PPME1: variants seen among roughly 807,000 people sequenced by gnomAD.
PPME1 encodes the protein protein phosphatase methylesterase 1.
In PPME1, 17 loss-of-function variants were observed where a neutral mutation model predicts 56.9. That is an observed-to-expected ratio of 0.30 (90% CI 0.20 to 0.45). PPME1 has a LOEUF of 0.45. Among genes scored for constraint, PPME1 ranks in the 20% least tolerant of loss-of-function variants. The pLI is 1.00. For synonymous variants in PPME1, 122 were observed against 156.2 expected (o/e 0.78, Z 1.63); for missense variants, 357 against 483.2 (o/e 0.74, Z 2.45).
At chr11:74,180,440 C>T (rs2135593147) in intron 1 of PPME1, among the ~76,000 whole-genome samples, 1 of 152,280 alleles carries the variant, frequency 6.6e-6, no homozygotes, top group Non-Finnish European at 1.5e-5. Context: ...CGTTATTTCC[C>T]CATCAGTTCC....
At chr11:74,222,520 A>G (rs1858824289) in intron 4 of PPME1, among the ~76,000 whole-genome samples, 151 bp downstream of exon 4, 1 of 152,174 alleles carries the variant, frequency 6.6e-6, no homozygotes, top group Non-Finnish European at 1.5e-5. Flanking sequence ...ATGGAGTCTC[A>G]TTCTGTCGCC....
At position 74,253,571 on chromosome 11, in the gene PPME1, C is replaced by G. The variant is rs1185357783; in HGVS notation, c.*61C>G. 3.9e-6 allele frequency: 6 copies of G among 1,521,804 alleles called. No homozygotes were observed. The highest frequency in any genetic ancestry group is 5.5e-6 in the Non-Finnish European group (6 of 1,096,146). 94.3% of individuals were successfully genotyped at this position (1,521,804 alleles called of 1,614,324 possible). On this transcript the variant is annotated 3_prime_UTR_variant, in exon 14 of 14. Transcript: ENST00000328257. ...TGTTGTAAATACGTCGCACCAGAGGCCACTGTGATGCCACTGTCTCCTCTC... is the reference window on the plus strand; with the variant it reads ...TGTTGTAAATACGTCGCACCAGAGGGCACTGTGATGCCACTGTCTCCTCTC...
intron 8 of PPME1, 167 bp downstream of exon 8, chr11:74,236,133 C>G: frequency 8.7e-7 from 1 of 1,143,528 alleles, no homozygotes; most frequent in Non-Finnish European, 1.2e-6. Flanking sequence ...GATTTTCTTT[C>G]GCCTGCCTTC....
chr11:74,230,676 C>T lies in PPME1; in HGVS notation c.554-236C>T, dbSNP rs1591056913. 4 of 593,588 alleles carry T rather than the reference C, an allele frequency of 6.7e-6. No individual in the cohort carries two copies. In the East Asian group the frequency reaches 1.2e-4, roughly 17 times the overall value. 36.8% of individuals were successfully genotyped at this position (593,588 alleles called of 1,614,324 possible). A position where few individuals can be genotyped will look rare whatever the true frequency, so the allele number is the denominator to read the frequency against. On this transcript the variant is annotated intron_variant, in intron 6 of 13. Coordinates refer to ENST00000328257, the MANE Select transcript of PPME1 (RefSeq NM_016147.3). This position sits in a 1 kb window ranked among gnomAD's most constrained non-coding sequence, Gnocchi z 4.9. ...AAGAAGCTGCCATGTCTTTTCTGAC[C>T]CAGCTTCAGAAGTCACACTGCTGCT...
At chr11:74,234,714 A>C (rs1859149320) in intron 7 of PPME1, among the ~76,000 whole-genome samples, 1 of 152,232 alleles carries the variant, frequency 6.6e-6, no homozygotes, top group Non-Finnish European at 1.5e-5. Flanking sequence ...TAGAGAAAGC[A>C]AGATAACTCT....
chr11:74,192,475 A>G (rs903091691), intron 1 of PPME1, among the ~76,000 whole-genome samples: 1 of 152,086 alleles, frequency 6.6e-6, no homozygotes, highest in Non-Finnish European at 1.5e-5. Context: ...CTTTGGGGGA[A>G]CTATTGAGAA....
intron 8 of PPME1, among the ~76,000 whole-genome samples, chr11:74,237,554 C>T (rs1417416645): frequency 6.6e-6 from 1 of 151,976 alleles, no homozygotes; most frequent in Admixed American, 6.6e-5. Flanking sequence ...GGATTACAGA[C>T]GTGAGCCACC....
At chr11:74,253,082 C>T (rs1859745292) in intron 13 of PPME1, among the ~76,000 whole-genome samples, 1 of 152,132 alleles carries the variant, frequency 6.6e-6, no homozygotes, top group South Asian at 2.1e-4. Context: ...ATGGCTTCTG[C>T]GTTAGAGAAC....
At chr11:74,172,051 AC>A (rs1857259731) in intron 1 of PPME1, among the ~76,000 whole-genome samples, 1 of 152,194 alleles carries the variant, frequency 6.6e-6, no homozygotes, top group South Asian at 2.1e-4. Context: ...AAAGAGGAGA[AC>A]TAGGAAGCAG....
At chr11:74,182,672 A>C (rs183778328) in intron 1 of PPME1, among the ~76,000 whole-genome samples, 1 of 152,180 alleles carries the variant, frequency 6.6e-6, no homozygotes, top group East Asian at 1.9e-4. Context: ...TAACAATTCT[A>C]ACATGGTTCT....
At chr11:74,216,391 G>T (rs1858645378) in intron 3 of PPME1, among the ~76,000 whole-genome samples, 1 of 152,126 alleles carries the variant, frequency 6.6e-6, no homozygotes. Context: ...GCTCCTAAAT[G>T]ACCAGTGGGC....
intron 3 of PPME1, among the ~76,000 whole-genome samples, chr11:74,219,895 C>T (rs1327060084): frequency 6.6e-6 from 1 of 151,950 alleles, no homozygotes; most frequent in Non-Finnish European, 1.5e-5. Context: ...TTTAAAATAG[C>T]TAAAAGGGTA....
intron 3 of PPME1, among the ~76,000 whole-genome samples, chr11:74,208,358 A>G (rs544664982): frequency 1.3e-5 from 2 of 152,138 alleles, no homozygotes; most frequent in African/African-American, 4.8e-5. Context: ...AGATCAGCCA[A>G]TCAGCAAATA....
At chr11:74,234,877 TGAAA>T (rs1247521163) in intron 7 of PPME1, among the ~76,000 whole-genome samples, 5 of 152,152 alleles carry the variant, frequency 3.3e-5, no homozygotes, top group Non-Finnish European at 5.9e-5. Flanking sequence ...ACAGGATAAC[TGAAA>T]GAAAGAGTAT....
At chr11:74,197,351 G>A (rs577313656) in intron 1 of PPME1, among the ~76,000 whole-genome samples, 1 of 152,288 alleles carries the variant, frequency 6.6e-6, no homozygotes, top group Non-Finnish European at 1.5e-5. Context: ...GTGAACTAAT[G>A]GAGAACCTTC....
chr11:74,245,672 T>C (rs1396106027), intron 9 of PPME1, among the ~76,000 whole-genome samples: 1 of 152,182 alleles, frequency 6.6e-6, no homozygotes, highest in Non-Finnish European at 1.5e-5. Context: ...TTAGATGACA[T>C]GTTGTAATCT....
chr11:74,212,152 G>A (rs970601949), intron 3 of PPME1, among the ~76,000 whole-genome samples: 1 of 152,178 alleles, frequency 6.6e-6, no homozygotes, highest in Non-Finnish European at 1.5e-5. Flanking sequence ...CCATCTGCTG[G>A]CAGTGGTTGC....
At chr11:74,229,571 GC>G (rs1256275815) in intron 5 of PPME1, among the ~76,000 whole-genome samples, 1 of 152,166 alleles carries the variant, frequency 6.6e-6, no homozygotes, top group Non-Finnish European at 1.5e-5. Context: ...GTTTCTCAGA[GC>G]ACTGTACTTA....
chr11:74,187,296 G>T (rs1857710225), intron 1 of PPME1, among the ~76,000 whole-genome samples: 1 of 152,158 alleles, frequency 6.6e-6, no homozygotes, highest in South Asian at 2.1e-4. Context: ...GTGTAATTTT[G>T]ATAGGCATTG....
Sources: allele counts gnomAD v4.1 joint callset (sites outside exome capture counted in the v4.1 genomes callset), GRCh38; gene constraint gnomAD v4.1.1; non-coding constraint Gnocchi (gnomAD v3.1); transcripts MANE v1.5; gene names NCBI Gene and HGNC (gene_info 2026-07-23, HGNC 2026-07-21).